Variants in DNAH14 observed in about 807,000 individuals in gnomAD.
The protein encoded by DNAH14 is axonemal beta dynein heavy chain 14.
Under a neutral mutation model 520.9 loss-of-function variants are expected in DNAH14, and 478 were observed. The ratio of observed to expected loss-of-function variants is 0.92; its 90% CI spans 0.85 to 0.99. The LOEUF (loss-of-function observed/expected upper bound fraction) is 0.99, where lower values mean the gene tolerates loss of function less well. Among genes scored for constraint, DNAH14 ranks in the 50% least tolerant of loss-of-function variants. The pLI is 0.00. For missense variants in DNAH14, 4,831 were observed against 5,234.5 expected (o/e 0.92, Z 2.38); for synonymous variants, 1,581 against 1,757.2 (o/e 0.90, Z 2.51).
chr1:224,977,273 T>G (rs1320191446), intron 8 of DNAH14, among the ~76,000 whole-genome samples: 1 of 137,968 alleles, frequency 7.2e-6, no homozygotes, highest in African/African-American at 2.7e-5. Flanking sequence ...CACTCATAGG[T>G]GGGAATTGAA....
At chr1:225,309,420 G>A (rs893220869) in intron 60 of DNAH14, among the ~76,000 whole-genome samples, 3 of 152,098 alleles carry the variant, frequency 2.0e-5, no homozygotes, top group African/African-American at 4.8e-5. Context: ...ACTTGGATAC[G>A]AGTAAGCTGC....
intron 5 of DNAH14, 26 bp from the exon 6 acceptor site, chr1:224,967,405 G>GTTTT (rs761784985): frequency 6.8e-7 from 1 of 1,465,536 alleles, no homozygotes; most frequent in Non-Finnish European, 9.1e-7. Context: ...AATTAAATTT[G>GTTTT]TTTATTATTT....
intron 67 of DNAH14, 68 bp from the exon 68 acceptor site, chr1:225,337,990 TTGC>T: frequency 7.0e-7 from 1 of 1,432,004 alleles, no homozygotes; most frequent in South Asian, 1.5e-5. Context: ...AAATGTTTTA[TTGC>T]TGCTTTTTTT....
chr1:225,217,861 A>G (rs930605176), intron 41 of DNAH14, among the ~76,000 whole-genome samples: 16 of 152,068 alleles, frequency 1.1e-4, no homozygotes, highest in African/African-American at 3.9e-4. Context: ...GGGTGAGGCA[A>G]TGCCCCACCC....
In DNAH14 at chr1:225,241,973, C is replaced by T. The variant is rs1010922889; in HGVS notation, c.6748+1151C>T. 1.4e-4 allele frequency among the ~76,000 whole-genome samples: 21 copies of T among 152,152 alleles called. 1 individual carries two copies. In the South Asian group the frequency reaches 2.9e-3, roughly 21 times the overall value. ...GTGCAGTAGCCCATGCCTGTAATCC[C>T]AGCACTTTGGGAGGCCAAGGCAGGA... is the stretch of plus-strand genomic sequence containing the variant. On this transcript the variant is annotated intron_variant, in intron 43 of 85. Coordinates refer to ENST00000682510, the MANE Select transcript of DNAH14 (RefSeq NM_001367479.1).
chr1:225,152,917 T>C (rs1174789522), intron 33 of DNAH14, 34 bp downstream of exon 33: 2 of 1,537,902 alleles, frequency 1.3e-6, no homozygotes, highest in Non-Finnish European at 1.8e-6. Flanking sequence ...TATTTAAAGG[T>C]GATTATATAA....
chr1:225,302,246 A>G (rs183456597), intron 56 of DNAH14, among the ~76,000 whole-genome samples: 3 of 151,752 alleles, frequency 2.0e-5, no homozygotes, highest in South Asian at 4.1e-4. Context: ...ATATCTAGGT[A>G]GAAGTTTTGG....
chr1:224,958,407 C>T (rs2060639355), intron 3 of DNAH14, among the ~76,000 whole-genome samples: 1 of 152,002 alleles, frequency 6.6e-6, no homozygotes, highest in Non-Finnish European at 1.5e-5. Flanking sequence ...ACAAAGAACA[C>T]ATAGAGTTGG....
intron 7 of DNAH14, among the ~76,000 whole-genome samples, chr1:224,972,163 T>C (rs1171837994): frequency 1.3e-5 from 2 of 152,152 alleles, no homozygotes; most frequent in Non-Finnish European, 2.9e-5. Flanking sequence ...TCAATGTCTA[T>C]AGTCAAAATG....
intron 17 of DNAH14, 21 bp from the exon 18 acceptor site, chr1:225,079,186 T>C: frequency 6.6e-7 from 1 of 1,518,052 alleles, no homozygotes; most frequent in South Asian, 1.3e-5. Flanking sequence ...TACACAATTA[T>C]AATTGACATG....
chr1:225,103,282 G>T (rs1465244638), intron 23 of DNAH14, among the ~76,000 whole-genome samples: 1 of 152,110 alleles, frequency 6.6e-6, no homozygotes, highest in African/African-American at 2.4e-5. Context: ...ATGCTGTTTT[G>T]GTTACTATAG....
chr1:225,315,630 G>A (rs1182580436), intron 60 of DNAH14, among the ~76,000 whole-genome samples: 1 of 152,064 alleles, frequency 6.6e-6, no homozygotes. Flanking sequence ...TTTTTGTGTG[G>A]TTGTCCTTTT....
chr1:225,120,752 A>G (rs2077224621), intron 26 of DNAH14, among the ~76,000 whole-genome samples: 1 of 152,212 alleles, frequency 6.6e-6, no homozygotes, highest in South Asian at 2.1e-4. Flanking sequence ...GTATGTAAAG[A>G]GAGACTTCTG....
chr1:224,984,362 C>G (rs1041347034), intron 8 of DNAH14, among the ~76,000 whole-genome samples: 25 of 151,396 alleles, frequency 1.7e-4, no homozygotes, highest in African/African-American at 6.0e-4. Flanking sequence ...AAACTGGATC[C>G]TCATCTCTCA....
intron 52 of DNAH14, among the ~76,000 whole-genome samples, chr1:225,273,703 C>T (rs1467578240): frequency 2.0e-5 from 3 of 152,132 alleles, no homozygotes; most frequent in African/African-American, 7.2e-5. Context: ...GTCTTGATAC[C>T]TCAACAAGAC....
Position 225,351,802 on chromosome 1 carries a change from A to T in DNAH14, c.11452A>T (p.Lys3818Ter). The change falls in exon 72 of 86, where the codon AAA becomes TAA. Residue 3818 changes from lysine to a stop codon, truncating the protein, a stop_gained. Coordinates refer to ENST00000682510, the MANE Select transcript of DNAH14 (RefSeq NM_001367479.1). LOFTEE classifies it high-confidence loss of function. ...VSQWDTFKNS[K>*]AVYSLISTPF... ...ACAATGGGATACTTTTAAGAACAGT[A>T]AAGCAGTTTATTCTCTGATCAGCAC... 6.4e-7 allele frequency: 1 copy of T among 1,551,376 alleles called. No individual in the cohort carries two copies.
intron 17 of DNAH14, among the ~76,000 whole-genome samples, chr1:225,073,054 C>T (rs1324898477): frequency 2.0e-5 from 3 of 152,022 alleles, no homozygotes; most frequent in African/African-American, 7.2e-5. Context: ...GGGGAGTCCA[C>T]TTCAGCCCCT....
At chr1:225,270,000 C>T (rs1398188048) in intron 49 of DNAH14, among the ~76,000 whole-genome samples, 1 of 152,154 alleles carries the variant, frequency 6.6e-6, no homozygotes, top group Non-Finnish European at 1.5e-5. Context: ...ATAAATCATG[C>T]TGCTATAAAG....
intron 34 of DNAH14, among the ~76,000 whole-genome samples, chr1:225,158,995 G>A (rs1462468384): frequency 6.6e-6 from 1 of 152,188 alleles, no homozygotes; most frequent in Non-Finnish European, 1.5e-5. Context: ...AAATAAATCA[G>A]TATGTTATTT....
Sources: allele counts gnomAD v4.1 joint callset (sites outside exome capture counted in the v4.1 genomes callset), GRCh38; gene constraint gnomAD v4.1.1; transcripts MANE v1.5; gene names NCBI Gene and HGNC (gene_info 2026-07-23, HGNC 2026-07-21).